The following RALGPS1 variants were observed in gnomAD, a reference collection of about 807,000 sequenced individuals.
The protein encoded by RALGPS1 is ras-specific guanine nucleotide-releasing factor RalGPS1.
Under a neutral mutation model 78.8 loss-of-function variants are expected in RALGPS1, and 19 were observed. The ratio of observed to expected loss-of-function variants is 0.24; its 90% CI spans 0.17 to 0.35. The LOEUF (loss-of-function observed/expected upper bound fraction) is 0.35. RALGPS1 is among the 10% of genes least tolerant of loss of function. The pLI is 1.00. For synonymous variants in RALGPS1, 228 were observed against 256.3 expected (o/e 0.89, Z 1.06); for missense variants, 454 against 688.3 (o/e 0.66, Z 3.81).
At chr9:127,131,727 T>G (rs776755064) in intron 8 of RALGPS1, among the ~76,000 whole-genome samples, 1 of 152,208 alleles carries the variant, frequency 6.6e-6, no homozygotes, top group Non-Finnish European at 1.5e-5. Flanking sequence ...CCTCGTGTCT[T>G]CATCTGTAGG....
chr9:127,193,747 C>A (rs1314624010), intron 11 of RALGPS1, among the ~76,000 whole-genome samples: 1 of 152,082 alleles, frequency 6.6e-6, no homozygotes, highest in Non-Finnish European at 1.5e-5. Context: ...TGGGTCCCCC[C>A]AAGAAAGTTC....
At chr9:127,184,287 T>A (rs2060491371) in intron 11 of RALGPS1, 1 of 420,236 alleles carries the variant, frequency 2.4e-6, no homozygotes, top group Non-Finnish European at 4.4e-6. Context: ...GCCACCGCGC[T>A]CCAGCTTGGG....
intron 1 of RALGPS1, among the ~76,000 whole-genome samples, chr9:126,917,322 C>G (rs1196829213): frequency 1.3e-5 from 2 of 152,174 alleles, no homozygotes; most frequent in Non-Finnish European, 2.9e-5. Flanking sequence ...AAGGAAAGCT[C>G]AAACTTGGTG....
At chr9:127,047,000 A>C (rs962545778) in intron 5 of RALGPS1, among the ~76,000 whole-genome samples, 5 of 151,978 alleles carry the variant, frequency 3.3e-5, no homozygotes, top group African/African-American at 9.7e-5. Flanking sequence ...AAAAAAAAAA[A>C]AACTGATAGT....
chr9:127,191,726 CTCACTCTG>C (rs1032122256), intron 11 of RALGPS1, among the ~76,000 whole-genome samples: 1 of 117,788 alleles, frequency 8.5e-6, no homozygotes, highest in African/African-American at 3.2e-5. Flanking sequence ...GAGATGGAGT[CTCACTCTG>C]TCACCCAGGC....
intron 8 of RALGPS1, among the ~76,000 whole-genome samples, chr9:127,126,505 C>T (rs1434039398): frequency 6.6e-6 from 1 of 152,196 alleles, no homozygotes; most frequent in Non-Finnish European, 1.5e-5. Flanking sequence ...ACCCCATTTA[C>T]ACACTTGTTC....
intron 1 of RALGPS1, among the ~76,000 whole-genome samples, chr9:126,938,897 G>A (rs1307863775): frequency 6.6e-6 from 1 of 152,214 alleles, no homozygotes; most frequent in Non-Finnish European, 1.5e-5. Context: ...AGGAGTAGAG[G>A]AGGGAGGAGG....
chr9:127,047,178 G>A (rs950445911), intron 5 of RALGPS1, among the ~76,000 whole-genome samples: 18 of 152,082 alleles, frequency 1.2e-4, no homozygotes, highest in Non-Finnish European at 2.1e-4. Context: ...TTAATAAAAA[G>A]TGTACAAACA....
At chr9:126,917,268 A>G (rs1350833208) in intron 1 of RALGPS1, among the ~76,000 whole-genome samples, 1 of 152,210 alleles carries the variant, frequency 6.6e-6, no homozygotes, top group Non-Finnish European at 1.5e-5. Flanking sequence ...AATGGCTCTC[A>G]GAGACTGCTG....
In RALGPS1 at chr9:127,126,239, C is replaced by T. The variant is rs144919451; in HGVS notation, c.611-39830C>T. Among the ~76,000 whole-genome samples, 19 of 152,232 alleles carry T rather than the reference C, an allele frequency of 1.2e-4. No homozygotes were observed. In the East Asian group the frequency reaches 3.5e-3, roughly 28 times the overall value. On this transcript the variant is annotated intron_variant, in intron 8 of 18. Coordinates refer to ENST00000259351, the MANE Select transcript of RALGPS1 (RefSeq NM_014636.3). ...TTGTTTCTGTTGAGAAGTCAACTGC[C>T]TTCCTTATTGTTGTTCCTGTATACA...
intron 11 of RALGPS1, chr9:127,184,231 G>A: frequency 1.8e-6 from 1 of 552,976 alleles, no homozygotes; most frequent in Admixed American, 3.0e-5. Flanking sequence ...GCTTAGGCGA[G>A]ATCGCTTGAT....
At chr9:127,187,511 C>T (rs115473104) in intron 11 of RALGPS1, among the ~76,000 whole-genome samples, 1,588 of 152,358 alleles carry the variant, frequency 0.01, 39 homozygotes, top group African/African-American at 0.036. Flanking sequence ...GGCACAGGTA[C>T]AGAGCATAGC....
At chr9:127,056,277 G>A (rs1446202142) in intron 7 of RALGPS1, among the ~76,000 whole-genome samples, 3 of 152,192 alleles carry the variant, frequency 2.0e-5, no homozygotes, top group African/African-American at 7.2e-5. Flanking sequence ...CTCTTTCCCT[G>A]GTTACAGAGA....
rs76531527 is a variant in RALGPS1 at position 127,019,869 on chromosome 9, A to G, written c.217-14562A>G. ...TTCCTGTAGTGTTTCTCTCAATTGT[A>G]TAATGAGGGCTGTTGGTTTGAGACA... On this transcript the variant is annotated intron_variant, in intron 4 of 18. Coordinates refer to ENST00000259351, the MANE Select transcript of RALGPS1 (RefSeq NM_014636.3). Among the ~76,000 whole-genome samples the G allele has an allele frequency of 4.6e-4, 70 of 152,286 alleles. 1 individual carries two copies. Among genetic ancestry groups the G allele is most frequent in the African/African-American group, 1.1e-3 (46 of 41,560 alleles).
chr9:127,184,588 G>C (rs1428922214), intron 11 of RALGPS1, among the ~76,000 whole-genome samples: 2 of 152,254 alleles, frequency 1.3e-5, no homozygotes, highest in African/African-American at 2.4e-5. Context: ...CGGATTCTCA[G>C]CCTGGGCAGG....
At position 127,091,974 on chromosome 9, in the gene RALGPS1, C is replaced by G; in HGVS notation, c.610+22618C>G. 5.6e-6 allele frequency: 9 copies of G among 1,598,170 alleles called. No homozygotes were observed. Among genetic ancestry groups the G allele is most frequent in the Non-Finnish European group, 6.8e-6 (8 of 1,170,376 alleles). ...AACCCAGGAGAGTGTTAATGTGGAG[C>G]CTGCAGCACCTGCAGCCAGCAGGCT... On this transcript the variant is annotated intron_variant, in intron 8 of 18. Transcript: ENST00000259351. This position sits in a 1 kb window ranked among gnomAD's most constrained non-coding sequence, Gnocchi z 4.3.
rs1368793111 is a variant in RALGPS1, at chr9:127,210,016, G to A, written c.1248-2115G>A. On this transcript the variant is annotated intron_variant, in intron 14 of 18. Transcript: ENST00000259351. ...CGGGAAGTGAGTCTTCTAAGACAGA[G>A]AGGCTAAAGGAGAAAGAGGGTGCCT... Among the ~76,000 whole-genome samples the A allele has an allele frequency of 2.6e-5, 4 of 152,240 alleles. No homozygotes were observed. The East Asian group carries it at 7.7e-4, about 29-fold the overall frequency.
chr9:127,162,993 G>A (rs576792683), intron 8 of RALGPS1, among the ~76,000 whole-genome samples: 2 of 152,112 alleles, frequency 1.3e-5, no homozygotes, highest in Non-Finnish European at 2.9e-5. Context: ...ACTTTCCAGG[G>A]TTGGTGGCAG....
chr9:127,214,817 A>G lies in RALGPS1; in HGVS notation c.1619A>G (p.Asp540Gly), dbSNP rs767644899. Residue 540 changes from aspartate to glycine, a missense_variant, in exon 18 of 19, where the codon GAT becomes GGT. Asp to Gly is a moderately conservative substitution (Grantham distance 94). Coordinates refer to ENST00000259351, the MANE Select transcript of RALGPS1 (RefSeq NM_014636.3). ...ATACTGTGGCACAAGCATTTGGATG[A>G]TGCATGTAAAAGCAACAGGCCTCAG... ...HAILWHKHLDDACKSNRPQVP... is the reference protein window; with the variant it reads ...HAILWHKHLDGACKSNRPQVP... 2 of 1,612,920 alleles carry G rather than the reference A, an allele frequency of 1.2e-6. No individual in the cohort carries two copies. Among genetic ancestry groups the G allele is most frequent in the African/African-American group, 1.3e-5 (1 of 74,872 alleles).
Sources: allele counts gnomAD v4.1 joint callset (sites outside exome capture counted in the v4.1 genomes callset), GRCh38; gene constraint gnomAD v4.1.1; non-coding constraint Gnocchi (gnomAD v3.1); transcripts MANE v1.5; gene names NCBI Gene and HGNC (gene_info 2026-07-23, HGNC 2026-07-21).